The following NOTCH2NLR variants were observed in gnomAD, a reference collection of about 807,000 sequenced individuals.
NOTCH2NLR encodes the protein notch 2 N-terminal like R.
Under a neutral mutation model 35.6 loss-of-function variants are expected in NOTCH2NLR, and 33 were observed. The observed-to-expected ratio is 0.93, with a 90% CI of 0.70 to 1.24. The LOEUF (loss-of-function observed/expected upper bound fraction) is 1.24, where lower values mean the gene tolerates loss of function less well. Among genes scored for constraint, NOTCH2NLR ranks in the 50% most tolerant of loss-of-function variants. The probability of loss-of-function intolerance (pLI) is 0.00; values close to 1 mark genes in which losing one functional copy is unlikely to be tolerated. For synonymous variants in NOTCH2NLR, 103 were observed against 141.0 expected, an observed-to-expected ratio of 0.73 and a Z score of 1.91; for missense variants, 276 against 362.2, an observed-to-expected ratio of 0.76 and a Z score of 1.93.
chr1:120,779,458 A>T lies in NOTCH2NLR; in HGVS notation c.156-5516A>T, dbSNP rs1156708319. Among the ~76,000 whole-genome samples the T allele has an allele frequency of 1.7e-5, 2 of 116,636 alleles. 1 individual carries two copies. The highest frequency in any genetic ancestry group is 3.4e-5 in the Non-Finnish European group (2 of 58,430). 76.5% of individuals were successfully genotyped at this position (116,636 alleles called of 152,430 possible). ...CCTCATCTGCGAAGTATGTTCTTTCAGAGTTCAATGCTAGAGAAGAGAGAG... is the reference window on the plus strand; with the variant it reads ...CCTCATCTGCGAAGTATGTTCTTTCTGAGTTCAATGCTAGAGAAGAGAGAG... On this transcript the variant is annotated intron_variant, in intron 2 of 4. Transcript: ENST00000624419.
intron 1 of NOTCH2NLR, among the ~76,000 whole-genome samples, chr1:120,733,047 A>G (rs1355912644): frequency 4.0e-5 from 2 of 50,146 alleles, no homozygotes; most frequent in Non-Finnish European, 6.6e-5. Flanking sequence ...TCATGCTGGC[A>G]TTAATTTTTT....
intron 1 of NOTCH2NLR, among the ~76,000 whole-genome samples, chr1:120,760,180 C>CTT (rs1161423259): frequency 2.6e-3 from 39 of 15,164 alleles, no homozygotes; most frequent in African/African-American, 5.1e-3. Context: ...TCTACCACAG[C>CTT]TTTTTTTTTT....
intron 1 of NOTCH2NLR, among the ~76,000 whole-genome samples, chr1:120,728,812 CTTT>C (rs1348211431): frequency 9.8e-6 from 1 of 101,952 alleles, no homozygotes; most frequent in Non-Finnish European, 1.8e-5. Context: ...AGTATATTTG[CTTT>C]TTTTTTTTTT....
chr1:120,793,188 G>A, exon 4 of NOTCH2NLR: 1 of 1,440,936 alleles, frequency 6.9e-7, no homozygotes, highest in South Asian at 1.2e-5. Flanking sequence ...ACCGATGCCT[G>A]CCTGTCTCAT....
In NOTCH2NLR at chr1:120,729,123, G is replaced by A. The variant is rs1215844508; in HGVS notation, c.73+4873G>A. Among the ~76,000 whole-genome samples the A allele has an allele frequency of 2.0e-4, 18 of 88,092 alleles. 2 individuals are homozygous for A. Among genetic ancestry groups the A allele is most frequent in the Non-Finnish European group, 1.0e-4 (5 of 49,696 alleles). 57.8% of individuals were successfully genotyped at this position (88,092 alleles called of 152,430 possible). A position where few individuals can be genotyped will look rare whatever the true frequency, so the allele number is the denominator to read the frequency against. On this transcript the variant is annotated intron_variant, in intron 1 of 4. Transcript: ENST00000624419. ...ATGGTGAGTTGGAGTGTGTTTCTAT[G>A]TTCTTTTTTCCTTTGAAGAGATAGG... is the stretch of plus-strand genomic sequence containing the variant.
chr1:120,789,499 G>A (rs1292576336), intron 3 of NOTCH2NLR, among the ~76,000 whole-genome samples: 2 of 113,940 alleles, frequency 1.8e-5, no homozygotes, highest in African/African-American at 1.1e-4. Flanking sequence ...AGAAGCAAAA[G>A]CAGAACCCCT....
exon 1 of NOTCH2NLR, chr1:120,724,074 G>C (rs1172005215): frequency 2.3e-6 from 3 of 1,305,138 alleles, no homozygotes; most frequent in Non-Finnish European, 2.9e-6. Flanking sequence ...CAGGAGGAGG[G>C]GAGGAGAGAG....
chr1:120,790,550 TTC>T (rs1651477465), intron 3 of NOTCH2NLR, among the ~76,000 whole-genome samples: 1 of 97,462 alleles, frequency 1.0e-5, no homozygotes, highest in Non-Finnish European at 1.9e-5. Flanking sequence ...CTTTCTTTCT[TTC>T]TTTCTTTCTT....
intron 3 of NOTCH2NLR, among the ~76,000 whole-genome samples, chr1:120,789,995 C>T (rs1479401846): frequency 1.3e-5 from 1 of 78,926 alleles, no homozygotes; most frequent in East Asian, 2.5e-4. Flanking sequence ...GTGTGTTCTG[C>T]AAGATTCTGA....
In NOTCH2NLR at chr1:120,752,591, G is replaced by C. The variant is rs1476227707; in HGVS notation, c.74-11037G>C. On this transcript the variant is annotated intron_variant, in intron 1 of 4. Coordinates refer to ENST00000624419, the Ensembl canonical transcript of NOTCH2NLR. ...TTTTTTTTTCTTTTTTTTTTTTTCA[G>C]GCAGAGTCTTGCTCTGTCGCCCAGG... 3.1e-3 allele frequency among the ~76,000 whole-genome samples: 35 copies of C among 11,368 alleles called. 2 individuals carry two copies. Among genetic ancestry groups the C allele is most frequent in the African/African-American group, 0.023 (30 of 1,294 alleles). The allele number at this position is 11,368 out of a possible 152,430, so 7.5% of individuals were successfully genotyped here.
Position 120,770,698 on chromosome 1 carries a change from C to G in NOTCH2NLR, c.155+6989C>G, listed in dbSNP as rs1358492824. On this transcript the variant is annotated intron_variant, in intron 2 of 4. Coordinates refer to ENST00000624419, the Ensembl canonical transcript of NOTCH2NLR. ...CACTCAAGATCCCATCACTCTGTAG[C>G]TAACCTGAGATATACTCGTGGAAAA... Among the ~76,000 whole-genome samples the G allele has an allele frequency of 1.7e-5, 2 of 120,040 alleles. 1 individual carries two copies. Among genetic ancestry groups the G allele is most frequent in the Non-Finnish European group, 3.2e-5 (2 of 61,612 alleles). 78.8% of individuals were successfully genotyped at this position (120,040 alleles called of 152,430 possible). A position where few individuals can be genotyped will look rare whatever the true frequency, so the allele number is the denominator to read the frequency against.
chr1:120,793,425 A>T, exon 4 of NOTCH2NLR: 1 of 1,442,768 alleles, frequency 6.9e-7, no homozygotes, highest in Non-Finnish European at 9.3e-7. Flanking sequence ...CCCTGTGCAC[A>T]CTCGCCTTGT....
rs1263305801 is a variant in NOTCH2NLR, at chr1:120,765,780, C to T, written c.155+2071C>T. Among the ~76,000 whole-genome samples, 44 of 127,978 alleles carry T rather than the reference C, an allele frequency of 3.4e-4. 6 individuals are homozygous for T. Among genetic ancestry groups the T allele is most frequent in the African/African-American group, 1.0e-3 (31 of 29,566 alleles). 84.0% of individuals were successfully genotyped at this position (127,978 alleles called of 152,430 possible). ...ATAAAGAAAATGTGGCATGTATACA[C>T]GATGGAATACTATGCAGCCATAAAA... On this transcript the variant is annotated intron_variant, in intron 2 of 4. Transcript: ENST00000624419.
Position 120,751,576 on chromosome 1 carries a change from A to G in NOTCH2NLR, c.74-12052A>G, listed in dbSNP as rs1651021530. On this transcript the variant is annotated intron_variant, in intron 1 of 4. Transcript: ENST00000624419. Reference sequence around the variant, plus strand: ...CAACAAAGCAGATGAAATGGAAGGTAGGCCAGGGCATCTGCTCGTTCGCTC... The same window carrying G: ...CAACAAAGCAGATGAAATGGAAGGTGGGCCAGGGCATCTGCTCGTTCGCTC... Among the ~76,000 whole-genome samples the G allele has an allele frequency of 7.9e-5, 4 of 50,522 alleles. 2 individuals carry two copies. Among genetic ancestry groups the G allele is most frequent in the African/African-American group, 2.5e-4 (4 of 15,748 alleles). 33.1% of individuals were successfully genotyped at this position (50,522 alleles called of 152,430 possible).
intron 3 of NOTCH2NLR, among the ~76,000 whole-genome samples, chr1:120,790,412 C>T (rs1651474051): frequency 8.7e-6 from 1 of 115,586 alleles, no homozygotes; most frequent in Non-Finnish European, 1.6e-5. Context: ...TAGCACTATA[C>T]CTCAGTCAGC....
In NOTCH2NLR at chr1:120,785,166, G is replaced by C; in HGVS notation, c.348G>C (p.Leu116=). Residue 116 remains leucine, a synonymous_variant, in exon 3 of 5, where the codon CTG becomes CTC. Coordinates refer to ENST00000624419, the Ensembl canonical transcript of NOTCH2NLR. ...CATGCTTTGTGTCTCGACCTTGCCT[G>C]AATGGCGGCACATGCCATATGCTCA... 9.7e-6 allele frequency: 14 copies of C among 1,446,294 alleles called. 2 individuals carry two copies. The highest frequency in any genetic ancestry group is 1.3e-5 in the Non-Finnish European group (14 of 1,082,094). 89.6% of individuals were successfully genotyped at this position (1,446,294 alleles called of 1,614,324 possible). A position where few individuals can be genotyped will look rare whatever the true frequency, so the allele number is the denominator to read the frequency against.
intron 2 of NOTCH2NLR, among the ~76,000 whole-genome samples, chr1:120,781,817 C>G (rs1196476712): frequency 3.4e-5 from 4 of 117,458 alleles, no homozygotes; most frequent in Admixed American, 1.6e-4. Flanking sequence ...CTCGGCCTCC[C>G]AAAGTGCTGA....
At position 120,770,783 on chromosome 1, in the gene NOTCH2NLR, T is replaced by G. The variant is rs1197594971; in HGVS notation, c.155+7074T>G. Among the ~76,000 whole-genome samples, 3 of 117,070 alleles carry G rather than the reference T, an allele frequency of 2.6e-5. 1 individual carries two copies. Among genetic ancestry groups the G allele is most frequent in the African/African-American group, 1.0e-4 (2 of 20,046 alleles). 76.8% of individuals were successfully genotyped at this position (117,070 alleles called of 152,430 possible). A position where few individuals can be genotyped will look rare whatever the true frequency, so the allele number is the denominator to read the frequency against. ...ATAAAATGGGACAGAATTACCTGTT[T>G]TAAGTTGGTAGTTCAAATGGAACCT... On this transcript the variant is annotated intron_variant, in intron 2 of 4. Coordinates refer to ENST00000624419, the Ensembl canonical transcript of NOTCH2NLR.
In NOTCH2NLR at chr1:120,760,174, C is replaced by T. The variant is rs1242204691; in HGVS notation, c.74-3454C>T. 4.0e-4 allele frequency among the ~76,000 whole-genome samples: 19 copies of T among 47,134 alleles called. 3 individuals are homozygous for T. The African/African-American group carries it at 4.7e-3, about 12-fold the overall frequency. The allele number at this position is 47,134 out of a possible 152,430, so 30.9% of individuals were successfully genotyped here. ...AATAGTATTCCATTGTATATATCTA[C>T]CACAGCTTTTTTTTTTTTTTTTTTT... On this transcript the variant is annotated intron_variant, in intron 1 of 4. Transcript: ENST00000624419.
Sources: allele counts gnomAD v4.1 joint callset (sites outside exome capture counted in the v4.1 genomes callset), GRCh38; gene constraint gnomAD v4.1.1; transcripts MANE v1.5; gene names NCBI Gene and HGNC (gene_info 2026-07-23, HGNC 2026-07-21).